KHDRBS2: variants seen among roughly 807,000 people sequenced by gnomAD.
KHDRBS2 encodes the protein KH domain-containing, RNA-binding, signal transduction-associated protein 2.
Under a neutral mutation model 44.3 loss-of-function variants are expected in KHDRBS2, and 26 were observed. The observed-to-expected ratio is 0.59, with a 90% CI of 0.43 to 0.81. KHDRBS2 has a LOEUF of 0.81. KHDRBS2 is among the 40% of genes least tolerant of loss of function. KHDRBS2 has a pLI of 0.00. For synonymous variants in KHDRBS2, 194 were observed against 151.1 expected, an observed-to-expected ratio of 1.28 and a Z score of -2.08; for missense variants, 476 against 433.1, an observed-to-expected ratio of 1.10 and a Z score of -0.88.
At chr6:61,945,361 A>C (rs1007954696) in intron 4 of KHDRBS2, among the ~76,000 whole-genome samples, 2 of 151,326 alleles carry the variant, frequency 1.3e-5, no homozygotes, top group African/African-American at 4.8e-5. Context: ...ATTATGCCCT[A>C]ATATTTATTG....
chr6:61,837,263 T>C (rs1277546542), intron 6 of KHDRBS2, among the ~76,000 whole-genome samples: 1 of 152,046 alleles, frequency 6.6e-6, no homozygotes, highest in Admixed American at 6.6e-5. Flanking sequence ...AAGTGTTCAT[T>C]ATTGTTTCAT....
At chr6:61,962,048 G>T (rs1160895923) in intron 4 of KHDRBS2, among the ~76,000 whole-genome samples, 1 of 151,934 alleles carries the variant, frequency 6.6e-6, no homozygotes, top group African/African-American at 2.4e-5. Context: ...TCTAGGAAAG[G>T]TAATGCATGA....
chr6:61,922,689 A>AGGGAATAATTATCTCTACGAGG (rs1808280071), intron 4 of KHDRBS2, among the ~76,000 whole-genome samples: 3 of 152,114 alleles, frequency 2.0e-5, no homozygotes, highest in African/African-American at 7.2e-5. Context: ...CATCAGTGAT[A>AGGGAATAATTATCTCTACGAGG]GGGAATAATT....
chr6:61,891,783 C>G (rs1801889749), intron 6 of KHDRBS2, among the ~76,000 whole-genome samples: 1 of 152,190 alleles, frequency 6.6e-6, no homozygotes, highest in South Asian at 2.1e-4. Flanking sequence ...GACAAAACCA[C>G]AGCCAATATC....
chr6:62,218,811 A>G (rs1830429278), intron 1 of KHDRBS2, among the ~76,000 whole-genome samples: 1 of 151,928 alleles, frequency 6.6e-6, no homozygotes, highest in Non-Finnish European at 1.5e-5. Context: ...AATGAAGTAT[A>G]TATCCACAAT....
At chr6:61,928,431 A>G (rs1388796856) in intron 4 of KHDRBS2, among the ~76,000 whole-genome samples, 2 of 152,136 alleles carry the variant, frequency 1.3e-5, no homozygotes, top group Non-Finnish European at 2.9e-5. Flanking sequence ...CTGTGTGGAA[A>G]TAGGTTAGTA....
chr6:62,085,248 T>G (rs1798172659), intron 2 of KHDRBS2, among the ~76,000 whole-genome samples: 1 of 152,108 alleles, frequency 6.6e-6, no homozygotes, highest in Non-Finnish European at 1.5e-5. Flanking sequence ...TTGGCAAGGT[T>G]AGATGAAATT....
intron 2 of KHDRBS2, among the ~76,000 whole-genome samples, chr6:62,127,277 G>T (rs1304159715): frequency 1.3e-5 from 2 of 152,104 alleles, no homozygotes; most frequent in African/African-American, 4.8e-5. Context: ...TGTTACCAAT[G>T]TTGCTTCAAT....
At chr6:61,616,773 G>A in the KHDRBS2 span, among the ~76,000 whole-genome samples, 2 of 151,964 alleles carry the variant, frequency 1.3e-5, no homozygotes, top group South Asian at 2.1e-4. Context: ...CCATTTAGCT[G>A]GTTAATACAA....
At chr6:62,037,399 G>A (rs1417647047) in intron 3 of KHDRBS2, among the ~76,000 whole-genome samples, 1 of 151,052 alleles carries the variant, frequency 6.6e-6, no homozygotes, top group Non-Finnish European at 1.5e-5. Flanking sequence ...ATAAAAATGA[G>A]AGTCATTTGG....
At chr6:61,962,501 TA>T (rs969740911) in intron 4 of KHDRBS2, among the ~76,000 whole-genome samples, 81 of 152,108 alleles carry the variant, frequency 5.3e-4, no homozygotes, top group African/African-American at 1.8e-3. Context: ...TTTGCAAAGT[TA>T]TTTTTTTTAA....
chr6:62,042,982 A>G (rs1259149761), intron 3 of KHDRBS2, among the ~76,000 whole-genome samples: 1 of 152,096 alleles, frequency 6.6e-6, no homozygotes, highest in Non-Finnish European at 1.5e-5. Context: ...CTTTCATTAC[A>G]ACATAATTTG....
the KHDRBS2 span, among the ~76,000 whole-genome samples, chr6:61,673,389 C>G: frequency 6.6e-6 from 1 of 151,804 alleles, no homozygotes; most frequent in East Asian, 2.0e-4. Context: ...TCTCTCACCA[C>G]TCCTATTCAA....
At chr6:62,164,606 T>C (rs1471089124) in intron 2 of KHDRBS2, among the ~76,000 whole-genome samples, 1 of 151,936 alleles carries the variant, frequency 6.6e-6, no homozygotes, top group Non-Finnish European at 1.5e-5. Context: ...CACATGCATG[T>C]ATACCTTTTA....
the KHDRBS2 span, among the ~76,000 whole-genome samples, chr6:61,579,409 G>A: frequency 6.6e-6 from 1 of 152,170 alleles, no homozygotes; most frequent in Non-Finnish European, 1.5e-5. Context: ...GGTTGCCACA[G>A]CCTGAAGCTG....
At chr6:62,229,224 A>C (rs1223127446) in intron 1 of KHDRBS2, among the ~76,000 whole-genome samples, 1 of 152,034 alleles carries the variant, frequency 6.6e-6, no homozygotes, top group Non-Finnish European at 1.5e-5. Context: ...GAGTTCCTTC[A>C]GGGAGGCCCT....
chr6:61,831,530 A>G (rs1791815754), intron 6 of KHDRBS2, among the ~76,000 whole-genome samples: 1 of 152,006 alleles, frequency 6.6e-6, no homozygotes, highest in Non-Finnish European at 1.5e-5. Context: ...TCATAACGTT[A>G]TTTTCCTGAG....
At chr6:61,564,161 C>G in the KHDRBS2 span, among the ~76,000 whole-genome samples, 3 of 152,104 alleles carry the variant, frequency 2.0e-5, no homozygotes, top group Non-Finnish European at 4.4e-5. Context: ...CACTAATCAG[C>G]TACTTCTTCT....
chr6:61,966,882 C>T (rs2127396484), intron 4 of KHDRBS2, among the ~76,000 whole-genome samples: 1 of 151,854 alleles, frequency 6.6e-6, no homozygotes, highest in African/African-American at 2.4e-5. Context: ...GTACAATAGT[C>T]AGAAATGCTC....
Sources: allele counts gnomAD v4.1 joint callset (sites outside exome capture counted in the v4.1 genomes callset), GRCh38; gene constraint gnomAD v4.1.1; transcripts MANE v1.5; gene names NCBI Gene and HGNC (gene_info 2026-07-23, HGNC 2026-07-21).